Variants in ZC3H12B observed in about 807,000 individuals in gnomAD.
ZC3H12B encodes the protein probable ribonuclease ZC3H12B.
ZC3H12B carries 7 observed loss-of-function variants against 43.9 expected under a neutral mutation model. The ratio of observed to expected loss-of-function variants is 0.16; its 90% CI spans 0.09 to 0.30. The LOEUF (loss-of-function observed/expected upper bound fraction) is 0.30. Among genes scored for constraint, ZC3H12B ranks in the 10% least tolerant of loss-of-function variants. The probability of loss-of-function intolerance (pLI) is 1.00; values close to 1 mark genes in which losing one functional copy is unlikely to be tolerated. For missense variants in ZC3H12B, 475 were observed against 670.2 expected (o/e 0.71, Z 3.22); for synonymous variants, 222 against 241.7 (o/e 0.92, Z 0.76).
the ZC3H12B span, among the ~76,000 whole-genome samples, chrX:65,162,593 C>T: frequency 8.9e-6 from 1 of 112,053 alleles, no homozygotes; most frequent in African/African-American, 3.2e-5. Context: ...TCACGTAGTT[C>T]TCGAGTCTTG....
intron 2 of ZC3H12B, among the ~76,000 whole-genome samples, chrX:65,381,456 G>C (rs887413876): frequency 9.0e-6 from 1 of 111,217 alleles, no homozygotes; most frequent in Non-Finnish European, 1.9e-5. Context: ...TCAAAGCAGT[G>C]TGTAGAGGGA....
chrX:65,113,829 G>C, the ZC3H12B span, among the ~76,000 whole-genome samples: 1 of 106,254 alleles, frequency 9.4e-6, no homozygotes, highest in Non-Finnish European at 1.9e-5. Context: ...TACATTTCTA[G>C]ACATAATGCT....
chrX:65,176,390 G>C, the ZC3H12B span, among the ~76,000 whole-genome samples: 1 of 111,504 alleles, frequency 9.0e-6, no homozygotes, highest in Non-Finnish European at 1.9e-5. Flanking sequence ...CCCCAATCAG[G>C]GGCTTATAGA....
the ZC3H12B span, among the ~76,000 whole-genome samples, chrX:65,228,831 G>A: frequency 8.1e-5 from 9 of 111,602 alleles, no homozygotes; most frequent in East Asian, 2.8e-4. Flanking sequence ...TACAACAGAC[G>A]TGAAGGACCT....
chrX:65,369,381 T>G (rs1441166662), intron 2 of ZC3H12B, among the ~76,000 whole-genome samples: 2 of 111,970 alleles, frequency 1.8e-5, no homozygotes, highest in African/African-American at 6.5e-5. Context: ...TAAAAAACTA[T>G]CTTAAGCAGG....
chrX:65,406,769 C>T (rs896155894), intron 3 of ZC3H12B, among the ~76,000 whole-genome samples: 2 of 112,375 alleles, frequency 1.8e-5, no homozygotes, highest in Non-Finnish European at 3.8e-5. Flanking sequence ...GCGGCGGGTA[C>T]TCTGTGCTCT....
At chrX:65,471,394 A>G (rs1194122761) in intron 3 of ZC3H12B, among the ~76,000 whole-genome samples, 1 of 109,049 alleles carries the variant, frequency 9.2e-6, no homozygotes, top group African/African-American at 3.3e-5. Flanking sequence ...AGTCTATAAG[A>G]ATCTTTACAT....
chrX:65,377,551 G>T (rs745409069), intron 2 of ZC3H12B, among the ~76,000 whole-genome samples: 8 of 110,298 alleles, frequency 7.3e-5, no homozygotes, highest in African/African-American at 2.6e-4. Flanking sequence ...ATACAGTAGC[G>T]CCACAATACA....
intron 3 of ZC3H12B, among the ~76,000 whole-genome samples, chrX:65,460,028 A>G (rs981205194): frequency 2.7e-5 from 3 of 112,130 alleles, no homozygotes; most frequent in Non-Finnish European, 3.8e-5. Flanking sequence ...TACAAAATCA[A>G]TGTATGAAAA....
At chrX:65,407,880 C>A (rs1000164479) in intron 3 of ZC3H12B, among the ~76,000 whole-genome samples, 3 of 113,700 alleles carry the variant, frequency 2.6e-5, no homozygotes, top group African/African-American at 9.5e-5. Flanking sequence ...AGGGCCGGAG[C>A]CCGCACCGAC....
chrX:65,372,579 A>G (rs1157061365), intron 2 of ZC3H12B, among the ~76,000 whole-genome samples: 1 of 106,011 alleles, frequency 9.4e-6, no homozygotes, highest in Non-Finnish European at 2.0e-5. Context: ...ACATATTTTA[A>G]GAAAGGAAGG....
the ZC3H12B span, among the ~76,000 whole-genome samples, chrX:65,184,165 AG>A: frequency 9.0e-6 from 1 of 111,461 alleles, no homozygotes; most frequent in Non-Finnish European, 1.9e-5. Context: ...GAGGCATTTT[AG>A]AATTTAACTT....
the ZC3H12B span, among the ~76,000 whole-genome samples, chrX:65,145,131 A>T: frequency 9.0e-6 from 1 of 111,321 alleles, no homozygotes; most frequent in African/African-American, 3.3e-5. Flanking sequence ...TAATCGTTTT[A>T]TAAATGTGGG....
intron 3 of ZC3H12B, among the ~76,000 whole-genome samples, chrX:65,456,459 TCTCC>T (rs2067613893): frequency 2.6e-5 from 2 of 75,738 alleles, no homozygotes; most frequent in East Asian, 1.0e-3. Context: ...GTCTCCACAG[TCTCC>T]TTCCATGGTC....
chrX:65,280,329 G>A, the ZC3H12B span, among the ~76,000 whole-genome samples: 153 of 112,054 alleles, frequency 1.4e-3, 1 homozygote, highest in African/African-American at 4.9e-3. Flanking sequence ...TGCATAAAAA[G>A]CTTTTGGTAA....
chrX:65,248,106 G>C, the ZC3H12B span, among the ~76,000 whole-genome samples: 1 of 110,838 alleles, frequency 9.0e-6, no homozygotes, highest in East Asian at 2.8e-4. Context: ...GCAGTGGCGT[G>C]ATCTCGGCTC....
At chrX:65,431,441 T>C (rs769291399) in intron 3 of ZC3H12B, among the ~76,000 whole-genome samples, 1 of 112,539 alleles carries the variant, frequency 8.9e-6, no homozygotes, top group South Asian at 3.7e-4. Flanking sequence ...CTTAGCCAAG[T>C]TGGGCTTGGT....
At chrX:65,147,663 G>A in the ZC3H12B span, among the ~76,000 whole-genome samples, 1 of 111,466 alleles carries the variant, frequency 9.0e-6, no homozygotes, top group Non-Finnish European at 1.9e-5. Context: ...GCTGGGTTTT[G>A]TGTCTGTGGG....
the ZC3H12B span, among the ~76,000 whole-genome samples, chrX:65,195,689 GC>G: frequency 8.9e-6 from 1 of 112,383 alleles, no homozygotes; most frequent in Non-Finnish European, 1.9e-5. Flanking sequence ...GCTGAAAGCA[GC>G]CAGGGTCTGT....
Sources: gnomAD v4.1 joint callset for allele counts (sites outside exome capture counted in the v4.1 genomes callset) on GRCh38, gnomAD v4.1.1 for gene constraint, MANE v1.5 for transcripts, NCBI Gene and HGNC (gene_info 2026-07-23, HGNC 2026-07-21) for gene names.